Variants in ERG observed in about 807,000 individuals in gnomAD.
The protein encoded by ERG is ETS transcription factor ERG.
A neutral mutation model predicts 55.3 loss-of-function variants in ERG; 9 were observed. That is an observed-to-expected ratio of 0.16 (90% CI 0.10 to 0.28). The LOEUF is 0.28. Among genes scored for constraint, ERG ranks in the 10% least tolerant of loss-of-function variants. The pLI is 1.00. For synonymous variants in ERG, 223 were observed against 237.3 expected, an observed-to-expected ratio of 0.94 and a Z score of 0.55; for missense variants, 434 against 631.6, an observed-to-expected ratio of 0.69 and a Z score of 3.35.
intron 2 of ERG, among the ~76,000 whole-genome samples, chr21:38,551,844 G>A (rs1333919053): frequency 6.6e-6 from 1 of 152,158 alleles, no homozygotes; most frequent in Non-Finnish European, 1.5e-5. Context: ...TTCTGGAGAT[G>A]TCTGTTAGGT....
chr21:38,525,058 G>A (rs1297171001), intron 2 of ERG, among the ~76,000 whole-genome samples: 2 of 152,334 alleles, frequency 1.3e-5, no homozygotes, highest in East Asian at 3.9e-4. Context: ...CTATTGGAAA[G>A]AGTAGGGGTA....
rs2059031905 is a variant in ERG, at chr21:38,460,482, T to C, written c.19-14861A>G. ...GTGATGAGAATGCATATATTGCATA[T>C]GCCATGTGTACACCAAAAGCCACAC... On this transcript the variant is annotated intron_variant, in intron 1 of 9. Transcript: ENST00000288319. The surrounding 1 kb of genome is among the most constrained non-coding windows in gnomAD (Gnocchi z 5.0). Among the ~76,000 whole-genome samples, 1 of 152,240 alleles carries C rather than the reference T, an allele frequency of 6.6e-6. No individual in the cohort carries two copies. Among genetic ancestry groups the C allele is most frequent in the South Asian group, 2.1e-4 (1 of 4,834 alleles).
downstream of ERG, among the ~76,000 whole-genome samples, chr21:38,376,602 G>A (rs11702396): frequency 0.075 from 11,411 of 152,334 alleles, 501 homozygotes; most frequent in African/African-American, 0.11. Context: ...TTGCAAAGAT[G>A]GAAGAAAGGA....
At chr21:38,485,380 A>G (rs1340185866) in intron 1 of ERG, among the ~76,000 whole-genome samples, 2 of 152,186 alleles carry the variant, frequency 1.3e-5, no homozygotes, top group Non-Finnish European at 2.9e-5. Context: ...TAAAAAATTA[A>G]TAAGTAAAAA....
At chr21:38,559,163 GAGC>G (rs1246634924) in intron 2 of ERG, among the ~76,000 whole-genome samples, 1 of 152,098 alleles carries the variant, frequency 6.6e-6, no homozygotes, top group Non-Finnish European at 1.5e-5. Flanking sequence ...GAGAGATCAG[GAGC>G]AGAACAAGGA....
intron 3 of ERG, among the ~76,000 whole-genome samples, chr21:38,420,787 T>C (rs758479052): frequency 5.3e-5 from 8 of 152,220 alleles, no homozygotes; most frequent in Non-Finnish European, 7.3e-5. Context: ...AGTTAGAAGA[T>C]GGTACCAGGC....
At chr21:38,569,999 G>A (rs1406727183) in intron 2 of ERG, among the ~76,000 whole-genome samples, 1 of 152,122 alleles carries the variant, frequency 6.6e-6, no homozygotes, top group Non-Finnish European at 1.5e-5. Context: ...TCTGTAGATG[G>A]ACACTTGGGT....
chr21:38,523,646 C>T (rs2836460), intron 2 of ERG, among the ~76,000 whole-genome samples: 5,281 of 152,266 alleles, frequency 0.035, 187 homozygotes, highest in Middle Eastern at 0.11. Flanking sequence ...CGTAAAACCC[C>T]AGTTACCCAC....
upstream of ERG, among the ~76,000 whole-genome samples, chr21:38,585,848 T>A (rs1306289597): frequency 6.6e-6 from 1 of 151,742 alleles, no homozygotes; most frequent in Non-Finnish European, 1.5e-5. Flanking sequence ...ATTGCCCAGA[T>A]GTCACAGAAA....
rs906142607 is a variant in ERG at position 38,407,834 on chromosome 21, AACT to A, written c.389-4128_389-4126del. ...ATTTTATAAAAAGTATAAAAAATAA[AACT>A]ACTAAAATACTTTATAAAAATATTT... On this transcript the variant is annotated intron_variant, in intron 3 of 9. Transcript: ENST00000288319. 1.2e-4 allele frequency among the ~76,000 whole-genome samples: 18 copies of A among 147,474 alleles called. No individual in the cohort carries two copies. The East Asian group carries it at 2.3e-3, about 19-fold the overall frequency.
chr21:38,535,510 C>G (rs756520522), intron 2 of ERG, among the ~76,000 whole-genome samples: 1 of 152,166 alleles, frequency 6.6e-6, no homozygotes, highest in African/African-American at 2.4e-5. Context: ...ACATCTTACA[C>G]TCGTGAATAT....
intron 1 of ERG, chr21:38,448,978 G>C (rs376691078): frequency 1.6e-4 from 25 of 152,318 alleles, no homozygotes; most frequent in African/African-American, 5.3e-4. Context: ...CCTGCAGCCT[G>C]GCTCCTCCTC....
chr21:38,588,353 C>T (rs1048324458), upstream of ERG, among the ~76,000 whole-genome samples: 3 of 152,120 alleles, frequency 2.0e-5, no homozygotes, highest in Non-Finnish European at 4.4e-5. Flanking sequence ...CTGCCCCTGG[C>T]CAGTGGGACA....
chr21:38,534,011 ACACTT>A (rs1235575667), intron 2 of ERG, among the ~76,000 whole-genome samples: 1 of 152,140 alleles, frequency 6.6e-6, no homozygotes, highest in Middle Eastern at 3.2e-3. Context: ...ACACAGAAGC[ACACTT>A]CACTTCACTT....
upstream of ERG, among the ~76,000 whole-genome samples, chr21:38,501,314 G>A (rs1326366969): frequency 2.0e-5 from 3 of 151,688 alleles, no homozygotes; most frequent in African/African-American, 4.8e-5. Flanking sequence ...TGATCCACCC[G>A]CCTCAGCCTC....
intron 2 of ERG, among the ~76,000 whole-genome samples, chr21:38,437,714 C>A (rs1261836937): frequency 1.3e-5 from 2 of 152,160 alleles, no homozygotes; most frequent in Non-Finnish European, 2.9e-5. Flanking sequence ...TCCTCTTTTC[C>A]TCATGCCATA....
At chr21:38,642,690 GA>G (rs2060432667) in intron 1 of ERG, among the ~76,000 whole-genome samples, 1 of 152,218 alleles carries the variant, frequency 6.6e-6, no homozygotes, top group African/African-American at 2.4e-5. Flanking sequence ...TGCAAGGGAT[GA>G]GGGGGACAAA....
intron 2 of ERG, among the ~76,000 whole-genome samples, chr21:38,516,405 C>T (rs920235946): frequency 6.6e-6 from 1 of 151,638 alleles, no homozygotes; most frequent in Non-Finnish European, 1.5e-5. Context: ...AAAAAATTAA[C>T]CAAGGAAGCG....
intron 1 of ERG, among the ~76,000 whole-genome samples, chr21:38,628,662 G>T (rs1479555802): frequency 6.6e-6 from 1 of 152,146 alleles, no homozygotes; most frequent in African/African-American, 2.4e-5. Context: ...CCCACAGTGA[G>T]CATACCACAC....
Sources: gnomAD v4.1 joint callset for allele counts (sites outside exome capture counted in the v4.1 genomes callset) on GRCh38, gnomAD v4.1.1 for gene constraint, Gnocchi (gnomAD v3.1) non-coding constraint, MANE v1.5 for transcripts, NCBI Gene and HGNC (gene_info 2026-07-23, HGNC 2026-07-21) for gene names.